The following PDE4D variants were observed in gnomAD, a reference collection of about 807,000 sequenced individuals.
PDE4D encodes the protein phosphodiesterase 4D.
A neutral mutation model predicts 87.4 loss-of-function variants in PDE4D; 24 were observed. The observed-to-expected ratio is 0.27, with a 90% CI of 0.20 to 0.39. PDE4D has a LOEUF of 0.39. Ranked by LOEUF, PDE4D falls within the 10% of genes least tolerant of loss-of-function variation. The probability of loss-of-function intolerance (pLI) is 1.00; values close to 1 mark genes in which losing one functional copy is unlikely to be tolerated. For synonymous variants in PDE4D, 384 were observed against 383.2 expected (o/e 1.00, Z -0.02); for missense variants, 714 against 1,041.0 (o/e 0.69, Z 4.32).
intron 5 of PDE4D, among the ~76,000 whole-genome samples, chr5:59,143,797 G>C (rs1472694030): frequency 6.6e-6 from 1 of 152,180 alleles, no homozygotes; most frequent in African/African-American, 2.4e-5. Context: ...TTTGTAACAA[G>C]TATTTGATGT....
intron 1 of PDE4D, among the ~76,000 whole-genome samples, chr5:60,246,766 C>A (rs533563724): frequency 6.6e-6 from 1 of 151,738 alleles, no homozygotes; most frequent in Non-Finnish European, 1.5e-5. Context: ...TGCTAACTCT[C>A]ACTTGTGGGG....
At position 59,400,749 on chromosome 5, in the gene PDE4D, A is replaced by T. The variant is rs867935911; in HGVS notation, c.456-184781T>A. 2.0e-5 allele frequency among the ~76,000 whole-genome samples: 3 copies of T among 148,810 alleles called. No individual in the cohort carries two copies. In the East Asian group the frequency reaches 5.8e-4, roughly 29 times the overall value. ...AAAGTATAATAATAAAAAAAATAAA[A>T]AAATAAATCTTTACAACATTCCTAT... On this transcript the variant is annotated intron_variant, in intron 1 of 14. Transcript: ENST00000340635.
intron 1 of PDE4D, among the ~76,000 whole-genome samples, chr5:60,509,054 C>G (rs1174707856): frequency 6.6e-6 from 1 of 152,070 alleles, no homozygotes; most frequent in African/African-American, 2.4e-5. Flanking sequence ...TGCACACCAC[C>G]AGGCCCAGCT....
chr5:59,492,824 G>C (rs1806460825), intron 1 of PDE4D, among the ~76,000 whole-genome samples: 1 of 152,130 alleles, frequency 6.6e-6, no homozygotes, highest in Non-Finnish European at 1.5e-5. Flanking sequence ...TCATGATAGT[G>C]AATAAGTCTC....
At chr5:59,115,863 T>C (rs546483194) in intron 5 of PDE4D, among the ~76,000 whole-genome samples, 92 of 152,284 alleles carry the variant, frequency 6.0e-4, no homozygotes, top group African/African-American at 2.0e-3. Flanking sequence ...TTGAACAATT[T>C]CTTCAGTCTT....
At chr5:60,078,353 C>T (rs1275591615) in intron 2 of PDE4D, among the ~76,000 whole-genome samples, 2 of 152,042 alleles carry the variant, frequency 1.3e-5, no homozygotes, top group African/African-American at 4.8e-5. Context: ...AGTTGTATCC[C>T]ATATGTTTTG....
intron 1 of PDE4D, among the ~76,000 whole-genome samples, chr5:59,462,497 T>G (rs1335251327): frequency 6.6e-6 from 1 of 152,166 alleles, no homozygotes; most frequent in East Asian, 1.9e-4. Context: ...TGGGGTTTTG[T>G]GAGAATCAGA....
Position 59,644,732 on chromosome 5 carries a change from A to G in PDE4D, c.455+248436T>C, listed in dbSNP as rs573557720. ...TATCTGTACGTGTATTTTAATCAAT[A>G]AAATGACAGATTCTCAGCTTCTCGA... On this transcript the variant is annotated intron_variant, in intron 1 of 14. Coordinates refer to ENST00000340635, the MANE Select transcript of PDE4D (RefSeq NM_001104631.2). Among the ~76,000 whole-genome samples, 4 of 152,322 alleles carry G rather than the reference A, an allele frequency of 2.6e-5. No homozygotes were observed. In the South Asian group the frequency reaches 8.3e-4, roughly 32 times the overall value.
chr5:59,409,689 T>C (rs1205454138), intron 1 of PDE4D, among the ~76,000 whole-genome samples: 1 of 152,214 alleles, frequency 6.6e-6, no homozygotes, highest in African/African-American at 2.4e-5. Flanking sequence ...GCCAGCACCA[T>C]GCTTGTACAT....
intron 1 of PDE4D, among the ~76,000 whole-genome samples, chr5:59,539,199 T>C (rs1815832977): frequency 6.6e-6 from 1 of 152,212 alleles, no homozygotes; most frequent in African/African-American, 2.4e-5. Context: ...GATAAGCCCA[T>C]GGTAGGTGCT....
At chr5:59,623,866 C>T (rs1457098500) in intron 1 of PDE4D, among the ~76,000 whole-genome samples, 2 of 152,198 alleles carry the variant, frequency 1.3e-5, no homozygotes, top group African/African-American at 4.8e-5. Flanking sequence ...CTTTCCTTTA[C>T]TGTCAATAGA....
chr5:59,604,540 G>T (rs1047510435), intron 1 of PDE4D, among the ~76,000 whole-genome samples: 2 of 151,950 alleles, frequency 1.3e-5, no homozygotes, highest in African/African-American at 4.8e-5. Context: ...TATGGTTTTG[G>T]TATCATTTGC....
intron 1 of PDE4D, among the ~76,000 whole-genome samples, chr5:59,723,749 A>G (rs1252898197): frequency 6.6e-6 from 1 of 152,162 alleles, no homozygotes; most frequent in Non-Finnish European, 1.5e-5. Flanking sequence ...TCTGAGACCC[A>G]CGTAAGGAGT....
chr5:60,468,130 C>CTTTTTTTTTTTTTTTTTTTT (rs370784270), intron 1 of PDE4D, among the ~76,000 whole-genome samples: 13 of 126,202 alleles, frequency 1.0e-4, no homozygotes, highest in African/African-American at 3.7e-4. Flanking sequence ...AACTTTCTTT[C>CTTTTTTTTTTTTTTTTTTTT]TTTTTTCTTT....
intron 1 of PDE4D, among the ~76,000 whole-genome samples, chr5:59,457,237 C>T (rs900997959): frequency 3.9e-5 from 6 of 152,120 alleles, no homozygotes; most frequent in Admixed American, 6.5e-5. Context: ...CTTCAGCAAC[C>T]GCCACCCTGA....
intron 1 of PDE4D, among the ~76,000 whole-genome samples, chr5:59,694,719 G>A (rs1356077787): frequency 6.6e-6 from 1 of 152,030 alleles, no homozygotes; most frequent in Non-Finnish European, 1.5e-5. Context: ...TCAGAACAAA[G>A]CCAATGTCTT....
At chr5:60,378,867 A>AAAAG (rs929976291) in intron 1 of PDE4D, among the ~76,000 whole-genome samples, 3 of 151,888 alleles carry the variant, frequency 2.0e-5, no homozygotes, top group East Asian at 1.9e-4. Context: ...ACTAAAAAGA[A>AAAAG]AAAGAAAGAA....
At chr5:59,736,642 G>A (rs955098772) in intron 1 of PDE4D, among the ~76,000 whole-genome samples, 1 of 151,804 alleles carries the variant, frequency 6.6e-6, no homozygotes, top group African/African-American at 2.4e-5. Context: ...TCATGCCACT[G>A]CACTCCAGCC....
At chr5:60,332,564 C>A (rs1757398328) in intron 1 of PDE4D, among the ~76,000 whole-genome samples, 1 of 151,868 alleles carries the variant, frequency 6.6e-6, no homozygotes, top group African/African-American at 2.4e-5. Flanking sequence ...GCATATGTAC[C>A]ACAGGGAAAT....
Sources: allele counts gnomAD v4.1 joint callset (sites outside exome capture counted in the v4.1 genomes callset), GRCh38; gene constraint gnomAD v4.1.1; transcripts MANE v1.5; gene names NCBI Gene and HGNC (gene_info 2026-07-23, HGNC 2026-07-21).